Variants in ANTXR2 observed in about 807,000 individuals in gnomAD.
The protein encoded by ANTXR2 is anthrax toxin receptor 2.
A neutral mutation model predicts 73.7 loss-of-function variants in ANTXR2; 44 were observed. That is an observed-to-expected ratio of 0.60 (90% confidence interval 0.47 to 0.77). ANTXR2 has a LOEUF of 0.77. Ranked by LOEUF, ANTXR2 falls within the 30% of genes least tolerant of loss-of-function variation. ANTXR2 has a pLI of 0.00. For missense variants in ANTXR2, 604 were observed against 592.5 expected (o/e 1.02, Z -0.20); for synonymous variants, 217 against 205.9 (o/e 1.05, Z -0.46).
In ANTXR2 at chr4:80,036,052, A is replaced by AT. The variant is rs1732943445; in HGVS notation, c.637-21_637-20insA. The AT allele has an allele frequency of 6.8e-7, 1 of 1,480,508 alleles. No homozygotes were observed. The highest frequency in any genetic ancestry group is 9.0e-7 in the Non-Finnish European group (1 of 1,113,064). 91.7% of individuals were successfully genotyped at this position (1,480,508 alleles called of 1,614,324 possible). A position where few individuals can be genotyped will look rare whatever the true frequency, so the allele number is the denominator to read the frequency against. On this transcript the variant is annotated intron_variant, in intron 7 of 16. Transcript: ENST00000403729. Reference sequence around the variant, plus strand: ...TAGTATCTAAAAAAGAAAAAAAAAAAAGATTACCAAGCTATAGATCTAAAA... The same window carrying AT: ...TAGTATCTAAAAAAGAAAAAAAAAAATAGATTACCAAGCTATAGATCTAAAA...
intron 16 of ANTXR2, among the ~76,000 whole-genome samples, chr4:79,923,477 C>T (rs1406998126): frequency 6.6e-6 from 1 of 152,008 alleles, no homozygotes; most frequent in Non-Finnish European, 1.5e-5. Context: ...TGCAAGTGTT[C>T]TAAACCAGGA....
rs1010100037 is a variant in ANTXR2 at position 80,055,099 on chromosome 4, T to C, written c.555+51A>G. The C allele has an allele frequency of 1.0e-5, 15 of 1,473,850 alleles. No individual in the cohort carries two copies. In the African/African-American group the frequency reaches 1.4e-4, roughly 14 times the overall value. 91.3% of individuals were successfully genotyped at this position (1,473,850 alleles called of 1,614,324 possible). Reference sequence around the variant, plus strand: ...TGAAAAGAATTTGTTAAACTATCCTTAAGACAATTATGTGGTTCAGATTAA... The same window carrying C: ...TGAAAAGAATTTGTTAAACTATCCTCAAGACAATTATGTGGTTCAGATTAA... On this transcript the variant is annotated intron_variant, in intron 6 of 16. Coordinates refer to ENST00000403729, the MANE Select transcript of ANTXR2 (RefSeq NM_058172.6).
At chr4:79,936,643 A>G (rs1728272558) in intron 16 of ANTXR2, among the ~76,000 whole-genome samples, 1 of 152,214 alleles carries the variant, frequency 6.6e-6, no homozygotes. Context: ...ATAATGCAAA[A>G]GAAATAAAAA....
chr4:79,957,645 A>T (rs756687108), intron 16 of ANTXR2, among the ~76,000 whole-genome samples: 4 of 152,148 alleles, frequency 2.6e-5, no homozygotes, highest in Admixed American at 6.6e-5. Flanking sequence ...AATGGAGAAC[A>T]TGAGATATAA....
intron 10 of ANTXR2, chr4:80,024,727 C>T (rs1047658363): frequency 1.1e-5 from 5 of 450,608 alleles, no homozygotes; most frequent in Non-Finnish European, 2.2e-5. Flanking sequence ...TGCCACTTCA[C>T]TCCAGCCTGG....
At chr4:80,035,729 T>C (rs1435739734) in intron 8 of ANTXR2, among the ~76,000 whole-genome samples, 1 of 152,144 alleles carries the variant, frequency 6.6e-6, no homozygotes, top group Non-Finnish European at 1.5e-5. Flanking sequence ...GTGAACTAAA[T>C]ATACAGAAGA....
At chr4:79,994,273 C>T (rs1368205863) in intron 12 of ANTXR2, among the ~76,000 whole-genome samples, 1 of 151,984 alleles carries the variant, frequency 6.6e-6, no homozygotes, top group Non-Finnish European at 1.5e-5. Context: ...CTTAAACGAT[C>T]ATTTCCCTGG....
chr4:80,040,213 G>A (rs547437459), intron 7 of ANTXR2, among the ~76,000 whole-genome samples: 1 of 150,640 alleles, frequency 6.6e-6, no homozygotes, highest in East Asian at 1.9e-4. Flanking sequence ...CAAAACCTCA[G>A]TATCATGCAA....
intron 10 of ANTXR2, among the ~76,000 whole-genome samples, chr4:80,020,708 T>G (rs898904072): frequency 6.6e-6 from 1 of 152,192 alleles, no homozygotes; most frequent in Non-Finnish European, 1.5e-5. Flanking sequence ...CTTAATGTGT[T>G]TTTTTTCTCA....
At chr4:80,001,173 T>G (rs1731013880) in intron 12 of ANTXR2, among the ~76,000 whole-genome samples, 1 of 152,046 alleles carries the variant, frequency 6.6e-6, no homozygotes, top group Non-Finnish European at 1.5e-5. Context: ...TTGCAAATTT[T>G]TTTTTATTAT....
intron 10 of ANTXR2, among the ~76,000 whole-genome samples, chr4:80,031,049 T>C (rs1732665553): frequency 6.6e-6 from 1 of 152,014 alleles, no homozygotes; most frequent in Admixed American, 6.6e-5. Flanking sequence ...TTTTTCTTTT[T>C]AGCAGATATC....
rs765287198 is a variant in ANTXR2, at chr4:80,072,765, C to A, written c.-205G>T. On this transcript the variant is annotated 5_prime_UTR_variant, in exon 1 of 17. Transcript: ENST00000403729. ...GAGAGGACAAAGGGAGTCTCCGCCA[C>A]CGCCGCAGCTGCCGCCGGAACTCTT... 3.5e-5 allele frequency: 44 copies of A among 1,256,018 alleles called. No homozygotes were observed. The highest frequency in any genetic ancestry group is 4.3e-5 in the Non-Finnish European group (43 of 993,064). 77.8% of individuals were successfully genotyped at this position (1,256,018 alleles called of 1,614,324 possible). A position where few individuals can be genotyped will look rare whatever the true frequency, so the allele number is the denominator to read the frequency against.
intron 11 of ANTXR2, among the ~76,000 whole-genome samples, chr4:80,011,576 T>C (rs79447181): frequency 0.015 from 2,223 of 152,290 alleles, 17 homozygotes; most frequent in Non-Finnish European, 0.024. Flanking sequence ...TATGTAAAAC[T>C]GAGAAGCTTC....
intron 12 of ANTXR2, among the ~76,000 whole-genome samples, chr4:79,987,127 C>T (rs1424061076): frequency 1.3e-5 from 2 of 152,030 alleles, no homozygotes; most frequent in Non-Finnish European, 2.9e-5. Context: ...CAATAACTCC[C>T]CCAGAAATGA....
intron 5 of ANTXR2, 31 bp from the exon 6 acceptor site, chr4:80,055,249 A>G: frequency 1.3e-6 from 2 of 1,554,626 alleles, no homozygotes; most frequent in Non-Finnish European, 1.7e-6. Context: ...AAGAGAGAAA[A>G]AAAGAGAGGG....
intron 11 of ANTXR2, among the ~76,000 whole-genome samples, 175 bp downstream of exon 11, chr4:80,018,723 A>T (rs577771260): frequency 1.3e-5 from 2 of 152,070 alleles, no homozygotes; most frequent in South Asian, 2.1e-4. Flanking sequence ...AGCTCAACAT[A>T]AAAAAAAGCA....
chr4:80,008,530 G>A lies in ANTXR2; in HGVS notation c.1032C>T (p.Cys344=). The change falls in exon 12 of 17, where the codon TGC becomes TGT. Residue 344 remains cysteine, a synonymous_variant. Coordinates refer to ENST00000403729, the MANE Select transcript of ANTXR2 (RefSeq NM_058172.6). ...IGLMWWFWPL[C]CKVVIKDPPP... is the part of the protein sequence containing the mutation. ...AATCCTTCTTACTCACCACTTTGCA[G>A]CAAAGGGGCCAAAACCACCACATCA... The A allele has an allele frequency of 6.2e-7, 1 of 1,606,994 alleles. No individual in the cohort carries two copies. The highest frequency in any genetic ancestry group is 1.1e-5 in the South Asian group (1 of 89,696).
intron 7 of ANTXR2, among the ~76,000 whole-genome samples, chr4:80,052,618 A>C (rs79415297): frequency 0.05 from 7,615 of 151,734 alleles, 626 homozygotes; most frequent in African/African-American, 0.17. Context: ...CTGTATTGAC[A>C]TGAAAACTAT....
At chr4:79,984,089 T>C (rs1578129963) in intron 13 of ANTXR2, 119 bp from the exon 14 acceptor site, 1 of 713,484 alleles carries the variant, frequency 1.4e-6, no homozygotes, top group Non-Finnish European at 2.3e-6. Flanking sequence ...AAAAACTATG[T>C]ATAGAACATG....
Sources: allele counts gnomAD v4.1 joint callset (sites outside exome capture counted in the v4.1 genomes callset), GRCh38; gene constraint gnomAD v4.1.1; transcripts MANE v1.5; gene names NCBI Gene and HGNC (gene_info 2026-07-23, HGNC 2026-07-21).